The following MXD1 variants were observed in gnomAD, a reference collection of about 807,000 sequenced individuals.
The protein encoded by MXD1 is MAX dimerization protein 1, also known as MAX-binding protein.
A neutral mutation model predicts 25.7 loss-of-function variants in MXD1; 9 were observed. That is an observed-to-expected ratio of 0.35 (90% confidence interval 0.21 to 0.61). The LOEUF is 0.61. Ranked by LOEUF, MXD1 falls within the 20% of genes least tolerant of loss-of-function variation. MXD1 has a pLI of 0.75. For synonymous variants in MXD1, 99 were observed against 113.9 expected (o/e 0.87, Z 0.83); for missense variants, 227 against 292.4 (o/e 0.78, Z 1.63).
At chr2:69,922,409 C>A (rs1243470235) in intron 3 of MXD1, among the ~76,000 whole-genome samples, 1 of 152,138 alleles carries the variant, frequency 6.6e-6, no homozygotes, top group Non-Finnish European at 1.5e-5. Flanking sequence ...AGTGAGGCAG[C>A]CGAGTGGTTT....
At chr2:69,917,555 A>G (rs753974475) in intron 2 of MXD1, among the ~76,000 whole-genome samples, 1 of 152,212 alleles carries the variant, frequency 6.6e-6, no homozygotes, top group African/African-American at 2.4e-5. Context: ...CTGGAAAAGC[A>G]TCATCCATTT....
chr2:69,917,987 C>T (rs977298674), intron 2 of MXD1, among the ~76,000 whole-genome samples: 4 of 152,128 alleles, frequency 2.6e-5, no homozygotes, highest in African/African-American at 9.7e-5. Context: ...CATGATTAAA[C>T]CTAGAGGTAG....
chr2:69,933,200 C>CAAAAA (rs59201689), intron 3 of MXD1, among the ~76,000 whole-genome samples: 3 of 80,152 alleles, frequency 3.7e-5, no homozygotes, highest in East Asian at 3.6e-4. Flanking sequence ...AACTCTGTCT[C>CAAAAA]AAAAAAAAAA....
chr2:69,924,691 C>T (rs1004697867), intron 3 of MXD1, among the ~76,000 whole-genome samples: 3 of 151,932 alleles, frequency 2.0e-5, no homozygotes, highest in African/African-American at 7.3e-5. Flanking sequence ...ATTATCATGG[C>T]TTTCATTGCT....
chr2:69,935,640 T>C (rs969555761), intron 4 of MXD1, among the ~76,000 whole-genome samples, 175 bp downstream of exon 4: 1 of 152,178 alleles, frequency 6.6e-6, no homozygotes, highest in South Asian at 2.1e-4. Flanking sequence ...CTCACTCCCA[T>C]GCACCAGAGG....
chr2:69,926,141 G>T (rs1420257806), intron 3 of MXD1, among the ~76,000 whole-genome samples: 1 of 152,018 alleles, frequency 6.6e-6, no homozygotes, highest in East Asian at 1.9e-4. Flanking sequence ...ATATATGAAA[G>T]ATATTGACAC....
At chr2:69,921,820 C>T in intron 3 of MXD1, 55 bp downstream of exon 3, 3 of 1,583,964 alleles carry the variant, frequency 1.9e-6, no homozygotes, top group Non-Finnish European at 2.6e-6. Flanking sequence ...ATTCTCTGTT[C>T]ATGCAGTTCA....
chr2:69,928,430 A>G (rs969286721), intron 3 of MXD1, among the ~76,000 whole-genome samples: 1 of 152,192 alleles, frequency 6.6e-6, no homozygotes, highest in African/African-American at 2.4e-5. Context: ...AGCCCATTCT[A>G]TAACTTTAGG....
At position 69,921,788 on chromosome 2, in the gene MXD1, G is replaced by A. The variant is rs968373444; in HGVS notation, c.203+23G>A. The A allele has an allele frequency of 3.1e-6, 5 of 1,609,580 alleles. No homozygotes were observed. In the African/African-American group the frequency reaches 5.4e-5, roughly 17 times the overall value. The stretch of plus-strand genomic sequence containing the variant: ...TAGGTGAGTTGGGGATTTGGGAGGT[G>A]GAATGCGGGGAGCTTTGTTGCATTC... On this transcript the variant is annotated intron_variant, in intron 3 of 5. Transcript: ENST00000264444.
At chr2:69,917,563 T>C (rs1676984402) in intron 2 of MXD1, among the ~76,000 whole-genome samples, 1 of 152,238 alleles carries the variant, frequency 6.6e-6, no homozygotes, top group African/African-American at 2.4e-5. Flanking sequence ...GCATCATCCA[T>C]TTTTGCTTTT....
chr2:69,936,548 T>G (rs1370857240), intron 4 of MXD1, among the ~76,000 whole-genome samples: 12 of 152,208 alleles, frequency 7.9e-5, no homozygotes, highest in Admixed American at 7.9e-4. Flanking sequence ...GTTAGAAGCC[T>G]GCATTCATGA....
chr2:69,937,433 T>C, intron 5 of MXD1, 39 bp downstream of exon 5: 5 of 1,526,086 alleles, frequency 3.3e-6, no homozygotes, highest in Non-Finnish European at 4.4e-6. Context: ...TCCCTTGTGC[T>C]CCCCAACCCC....
intron 3 of MXD1, among the ~76,000 whole-genome samples, chr2:69,922,828 C>A (rs1677090871): frequency 6.7e-6 from 1 of 148,884 alleles, no homozygotes; most frequent in South Asian, 2.1e-4. Context: ...TGCGGTGAGC[C>A]GAGATCCCGC....
chr2:69,922,704 A>G (rs1199929304), intron 3 of MXD1, among the ~76,000 whole-genome samples: 3 of 152,056 alleles, frequency 2.0e-5, no homozygotes, highest in African/African-American at 7.2e-5. Context: ...ACATGGCAAA[A>G]CCCTGTTTCA....
At chr2:69,922,794 C>T (rs1432124695) in intron 3 of MXD1, among the ~76,000 whole-genome samples, 1 of 151,270 alleles carries the variant, frequency 6.6e-6, no homozygotes, top group Non-Finnish European at 1.5e-5. Context: ...GCAGGAGAAT[C>T]GCTTGAACCC....
rs968021081 is a variant in MXD1, at chr2:69,941,814, C to T, written c.*3530C>T. ...TTTGTGGGCTTATTTCTTCTTGCCT[C>T]TTCCCCATCCTTTCAAGAGAGAACT... On this transcript the variant is annotated 3_prime_UTR_variant, in exon 6 of 6. Transcript: ENST00000264444. 6.6e-6 allele frequency: 1 copy of T among 152,050 alleles called. No individual in the cohort carries two copies. The highest frequency in any genetic ancestry group is 2.4e-5 in the African/African-American group (1 of 41,394). The allele number at this position is 152,050 out of a possible 1,614,324, so 9.4% of individuals were successfully genotyped here. A position where few individuals can be genotyped will look rare whatever the true frequency, so the allele number is the denominator to read the frequency against.
chr2:69,920,116 G>A (rs1460205628), intron 2 of MXD1, among the ~76,000 whole-genome samples: 1 of 152,142 alleles, frequency 6.6e-6, no homozygotes, highest in African/African-American at 2.4e-5. Flanking sequence ...GTTCAAGGGA[G>A]TAGCTGGGAT....
chr2:69,925,386 A>T (rs182479494), intron 3 of MXD1, among the ~76,000 whole-genome samples: 1 of 152,192 alleles, frequency 6.6e-6, no homozygotes, highest in Non-Finnish European at 1.5e-5. Context: ...ATGGAACTTG[A>T]AAATATATCT....
In MXD1 at chr2:69,940,326, C is replaced by CTT. The variant is rs1677566934; in HGVS notation, c.*2044_*2045dup. On this transcript the variant is annotated 3_prime_UTR_variant, in exon 6 of 6. Transcript: ENST00000264444. ...CATATTTGAAAAAGATATGTCTGCA[C>CTT]TTTGAGGTCCCTTTTGAATGCCATT... The CTT allele has an allele frequency of 2.0e-5, 3 of 152,152 alleles. No individual in the cohort carries two copies. Among genetic ancestry groups the CTT allele is most frequent in the Admixed American group, 2.0e-4 (3 of 15,272 alleles). The allele number at this position is 152,152 out of a possible 1,614,324, so 9.4% of individuals were successfully genotyped here. A position where few individuals can be genotyped will look rare whatever the true frequency, so the allele number is the denominator to read the frequency against.
Sources: gnomAD v4.1 joint callset for allele counts (sites outside exome capture counted in the v4.1 genomes callset) on GRCh38, gnomAD v4.1.1 for gene constraint, MANE v1.5 for transcripts, NCBI Gene and HGNC (gene_info 2026-07-23, HGNC 2026-07-21) for gene names.